The following COL24A1 variants were observed in gnomAD, a reference collection of about 807,000 sequenced individuals.
COL24A1 encodes collagen type XXIV alpha 1 chain.
COL24A1 carries 224 observed loss-of-function variants against 253.9 expected under a neutral mutation model. That is an observed-to-expected ratio of 0.88 (90% CI 0.79 to 0.99). COL24A1 has a LOEUF of 0.99. COL24A1 is among the 50% of genes least tolerant of loss of function. COL24A1 has a pLI of 0.00. For synonymous variants in COL24A1, 685 were observed against 673.7 expected, an observed-to-expected ratio of 1.02 and a Z score of -0.26; for missense variants, 2,131 against 2,068.5, an observed-to-expected ratio of 1.03 and a Z score of -0.59.
chr1:85,958,146 A>T (rs72712786), intron 24 of COL24A1, among the ~76,000 whole-genome samples: 17,635 of 152,238 alleles, frequency 0.12, 1,144 homozygotes, highest in South Asian at 0.23. Flanking sequence ...TACTGCTGAA[A>T]AAAAAACAAA....
intron 7 of COL24A1, among the ~76,000 whole-genome samples, chr1:86,079,455 G>T (rs1028467940): frequency 1.3e-5 from 2 of 152,052 alleles, no homozygotes; most frequent in African/African-American, 4.8e-5. Flanking sequence ...GAACAAATGG[G>T]ATTGCATCAA....
chr1:86,119,181 T>A (rs969472798), intron 3 of COL24A1, among the ~76,000 whole-genome samples: 1 of 151,864 alleles, frequency 6.6e-6, no homozygotes, highest in Non-Finnish European at 1.5e-5. Flanking sequence ...GAAAACATCA[T>A]CTCCAGTGAA....
intron 20 of COL24A1, among the ~76,000 whole-genome samples, chr1:85,979,201 G>A (rs1167281690): frequency 6.6e-6 from 1 of 152,090 alleles, no homozygotes; most frequent in African/African-American, 2.4e-5. Flanking sequence ...GTAGCAAGAG[G>A]AAAGTTCATA....
chr1:85,747,101 CTTT>C (rs34758363), intron 55 of COL24A1, among the ~76,000 whole-genome samples: 47 of 111,226 alleles, frequency 4.2e-4, no homozygotes, highest in African/African-American at 8.1e-4. Context: ...TGAATTATAA[CTTT>C]TTTTTTTTTT....
At position 86,022,228 on chromosome 1, in the gene COL24A1, G is replaced by A. The variant is rs1451965730; in HGVS notation, c.2256+12C>T. Reference sequence around the variant, plus strand: ...GTCAATTACAAAGAGCAAAGCAAAAGTTCAAACCTACTGAAGGCCCTGACT... The same window carrying A: ...GTCAATTACAAAGAGCAAAGCAAAAATTCAAACCTACTGAAGGCCCTGACT... On this transcript the variant is annotated intron_variant, in intron 18 of 59. Transcript: ENST00000370571. 6.2e-7 allele frequency: 1 copy of A among 1,612,108 alleles called. No individual in the cohort carries two copies. The highest frequency in any genetic ancestry group is 1.7e-5 in the Admixed American group (1 of 59,982).
intron 27 of COL24A1, among the ~76,000 whole-genome samples, chr1:85,907,610 A>G (rs1046546344): frequency 5.9e-5 from 9 of 151,868 alleles, no homozygotes; most frequent in Admixed American, 5.3e-4. Flanking sequence ...AGCAATGGCT[A>G]TCATGGTAAT....
intron 20 of COL24A1, among the ~76,000 whole-genome samples, chr1:85,984,718 G>C (rs562277792): frequency 6.6e-6 from 1 of 151,514 alleles, no homozygotes; most frequent in African/African-American, 2.4e-5. Context: ...GGTTTACCGC[G>C]AACTATTAAT....
intron 19 of COL24A1, among the ~76,000 whole-genome samples, chr1:86,016,759 A>G (rs1449893096): frequency 9.2e-5 from 14 of 152,246 alleles, no homozygotes; most frequent in Admixed American, 8.5e-4. Context: ...TACAGACTTA[A>G]TTGTATTTAT....
At chr1:85,763,408 ACT>A (rs1053074321) in intron 53 of COL24A1, among the ~76,000 whole-genome samples, 2 of 151,364 alleles carry the variant, frequency 1.3e-5, no homozygotes, top group Non-Finnish European at 2.9e-5. Flanking sequence ...ACAGAGTGAG[ACT>A]CTGTCTCCAA....
chr1:85,943,585 T>C (rs1423451033), intron 24 of COL24A1, among the ~76,000 whole-genome samples: 3 of 152,222 alleles, frequency 2.0e-5, no homozygotes, highest in Non-Finnish European at 4.4e-5. Flanking sequence ...GAGAAAAGTT[T>C]AAAAGTTAAT....
chr1:85,935,008 A>G (rs1402292726), intron 24 of COL24A1, among the ~76,000 whole-genome samples: 2 of 152,046 alleles, frequency 1.3e-5, no homozygotes, highest in African/African-American at 2.4e-5. Context: ...GATCCAGACA[A>G]CCATATAATA....
chr1:85,777,211 G>A (rs1355664128), intron 52 of COL24A1, among the ~76,000 whole-genome samples: 4 of 151,972 alleles, frequency 2.6e-5, no homozygotes, highest in African/African-American at 9.7e-5. Flanking sequence ...GCCTCCCAAA[G>A]TGCTGAGATT....
At chr1:86,083,190 C>T (rs1453807987) in intron 7 of COL24A1, among the ~76,000 whole-genome samples, 2 of 151,614 alleles carry the variant, frequency 1.3e-5, no homozygotes, top group Non-Finnish European at 2.9e-5. Flanking sequence ...CCCAGCTACT[C>T]GGGAGGCTGA....
intron 19 of COL24A1, among the ~76,000 whole-genome samples, chr1:85,998,132 T>C (rs1406591397): frequency 6.6e-6 from 1 of 152,220 alleles, no homozygotes. Context: ...GAAAAAGACC[T>C]GACTAAAACA....
intron 37 of COL24A1, among the ~76,000 whole-genome samples, chr1:85,853,316 G>A (rs1570922999): frequency 6.6e-6 from 1 of 152,104 alleles, no homozygotes; most frequent in Non-Finnish European, 1.5e-5. Context: ...TTTTTCTATG[G>A]CTGCATAGGA....
intron 23 of COL24A1, among the ~76,000 whole-genome samples, chr1:85,964,017 T>C (rs1171903243): frequency 6.6e-6 from 1 of 152,160 alleles, no homozygotes; most frequent in Non-Finnish European, 1.5e-5. Context: ...GCCTCATACA[T>C]ACTGATATAT....
intron 6 of COL24A1, among the ~76,000 whole-genome samples, chr1:86,090,562 T>A (rs929379127): frequency 3.9e-5 from 6 of 152,186 alleles, no homozygotes; most frequent in African/African-American, 1.4e-4. Context: ...ATACAATTGT[T>A]TGCCCACCCC....
intron 5 of COL24A1, among the ~76,000 whole-genome samples, chr1:86,097,781 G>C (rs116401847): frequency 0.022 from 3,361 of 151,656 alleles, 57 homozygotes; most frequent in Non-Finnish European, 0.037. Context: ...ATGATCTCAT[G>C]AACTCTATAT....
At chr1:86,108,554 A>G in intron 5 of COL24A1, among the ~76,000 whole-genome samples, 1 of 148,286 alleles carries the variant, frequency 6.7e-6, no homozygotes, top group East Asian at 2.0e-4. Flanking sequence ...AGGTCAAGGC[A>G]GGTGGATCAC....
Sources: gnomAD v4.1 joint callset for allele counts (sites outside exome capture counted in the v4.1 genomes callset) on GRCh38, gnomAD v4.1.1 for gene constraint, MANE v1.5 for transcripts, NCBI Gene and HGNC (gene_info 2026-07-23, HGNC 2026-07-21) for gene names.